The following LARGE1 variants were observed in gnomAD, a reference collection of about 807,000 sequenced individuals.
The protein encoded by LARGE1 is xylosyl- and glucuronyltransferase LARGE1.
LARGE1 carries 43 observed loss-of-function variants against 87.6 expected under a neutral mutation model. The ratio of observed to expected loss-of-function variants is 0.49; its 90% CI spans 0.38 to 0.63. LARGE1 has a LOEUF of 0.63. LARGE1 is among the 30% of genes least tolerant of loss of function. LARGE1 has a pLI of 0.00. For synonymous variants in LARGE1, 434 were observed against 394.6 expected, an observed-to-expected ratio of 1.10 and a Z score of -1.18; for missense variants, 802 against 1,000.2, an observed-to-expected ratio of 0.80 and a Z score of 2.67.
chr22:33,575,893 G>A (rs931488865), intron 5 of LARGE1, among the ~76,000 whole-genome samples: 4 of 152,180 alleles, frequency 2.6e-5, no homozygotes, highest in African/African-American at 7.2e-5. Context: ...GCTTTGCGAA[G>A]CTTGAGGGGA....
At chr22:33,119,900 G>A in the LARGE1 span, among the ~76,000 whole-genome samples, 1 of 152,066 alleles carries the variant, frequency 6.6e-6, no homozygotes, top group Non-Finnish European at 1.5e-5. Flanking sequence ...TGATAATCGA[G>A]GTGTCTCCTT....
chr22:33,824,701 A>T (rs2213314), intron 1 of LARGE1, among the ~76,000 whole-genome samples: 25,645 of 152,256 alleles, frequency 0.17, 2,446 homozygotes, highest in Middle Eastern at 0.29. Context: ...TCCAGAATTT[A>T]AAAATATGAC....
rs564738050 is a variant in LARGE1 at position 33,318,313 on chromosome 22, A to C, written c.1288-2065T>G. Reference sequence around the variant, plus strand: ...AAAAACAAACTTTTAAAAAATGATAATTTGTTCTCATTGTTCAATTCCCAC... The same window carrying C: ...AAAAACAAACTTTTAAAAAATGATACTTTGTTCTCATTGTTCAATTCCCAC... On this transcript the variant is annotated intron_variant, in intron 10 of 14. Transcript: ENST00000397394. Among the ~76,000 whole-genome samples the C allele has an allele frequency of 9.9e-5, 15 of 152,076 alleles. No individual in the cohort carries two copies. The South Asian group carries it at 3.1e-3, about 32-fold the overall frequency.
At chr22:33,151,081 C>G in the LARGE1 span, among the ~76,000 whole-genome samples, 1 of 152,136 alleles carries the variant, frequency 6.6e-6, no homozygotes, top group Non-Finnish European at 1.5e-5. Flanking sequence ...AAACATTAGG[C>G]ACAGTATGCT....
intron 11 of LARGE1, among the ~76,000 whole-genome samples, chr22:33,208,104 C>T (rs910387169): frequency 3.9e-5 from 6 of 152,180 alleles, no homozygotes; most frequent in Non-Finnish European, 7.3e-5. Context: ...GCTCAATGTT[C>T]TCCGTTTCAG....
chr22:33,538,891 A>G (rs1200590049), intron 6 of LARGE1, among the ~76,000 whole-genome samples: 2 of 152,218 alleles, frequency 1.3e-5, no homozygotes, highest in Non-Finnish European at 2.9e-5. Flanking sequence ...GCATTTTAGG[A>G]TATCTTCCAG....
chr22:33,742,133 C>T (rs539595558), intron 2 of LARGE1, among the ~76,000 whole-genome samples: 3 of 152,296 alleles, frequency 2.0e-5, no homozygotes, highest in Non-Finnish European at 2.9e-5. Context: ...GGAGACAAGA[C>T]GGTGAGCCCT....
chr22:33,407,638 G>A (rs1328139564), intron 7 of LARGE1, among the ~76,000 whole-genome samples: 1 of 151,956 alleles, frequency 6.6e-6, no homozygotes, highest in African/African-American at 2.4e-5. Flanking sequence ...TTAAGAACAT[G>A]TTATTATTCC....
In LARGE1 at chr22:33,609,497, A is replaced by G. The variant is rs1289965855; in HGVS notation, c.492-4939T>C. On this transcript the variant is annotated intron_variant, in intron 4 of 14. Transcript: ENST00000397394. ...GGGAGGTTTCCATGAACTATGTGGC[A>G]ATTAAATGGGAGCTCTAAATGGGCA... Among the ~76,000 whole-genome samples the G allele has an allele frequency of 3.3e-5, 5 of 152,344 alleles. No individual in the cohort carries two copies. In the East Asian group the frequency reaches 9.6e-4, roughly 29 times the overall value.
chr22:33,798,632 T>C (rs544403527), intron 1 of LARGE1, among the ~76,000 whole-genome samples: 3 of 152,208 alleles, frequency 2.0e-5, no homozygotes, highest in Admixed American at 1.3e-4. Context: ...ACCCCGGACA[T>C]AGGACCTTGA....
intron 13 of LARGE1, among the ~76,000 whole-genome samples, chr22:33,278,661 C>G (rs1029893741): frequency 4.6e-5 from 7 of 152,104 alleles, no homozygotes; most frequent in Non-Finnish European, 8.8e-5. Flanking sequence ...AGTTGTGATT[C>G]AAACCCGGGA....
chr22:33,767,194 T>C (rs2084934274), intron 1 of LARGE1, among the ~76,000 whole-genome samples: 1 of 150,890 alleles, frequency 6.6e-6, no homozygotes, highest in Admixed American at 6.6e-5. Flanking sequence ...TGGTGGTGCA[T>C]GCCTGTAATC....
chr22:33,240,559 C>T (rs9621667), intron 11 of LARGE1, among the ~76,000 whole-genome samples: 29,314 of 152,112 alleles, frequency 0.19, 3,215 homozygotes, highest in South Asian at 0.31. Context: ...GTCAATAACA[C>T]TCTGTCTTGA....
At chr22:33,883,234 A>G (rs1022031760) in intron 1 of LARGE1, among the ~76,000 whole-genome samples, 1 of 152,164 alleles carries the variant, frequency 6.6e-6, no homozygotes, top group African/African-American at 2.4e-5. Context: ...AAGCAGGGTG[A>G]TGCTTGGCTA....
intron 6 of LARGE1, among the ~76,000 whole-genome samples, chr22:33,489,718 A>G (rs1260863052): frequency 6.6e-6 from 1 of 151,900 alleles, no homozygotes; most frequent in African/African-American, 2.4e-5. Context: ...TTCTTTATAA[A>G]CTACCCAGTC....
chr22:33,524,435 C>G (rs11703178), intron 6 of LARGE1, among the ~76,000 whole-genome samples: 1 of 152,022 alleles, frequency 6.6e-6, no homozygotes, highest in African/African-American at 2.4e-5. Context: ...AAAATCTTCT[C>G]TAATAAGTTT....
chr22:33,748,663 T>A (rs116728459), intron 2 of LARGE1, among the ~76,000 whole-genome samples: 2,620 of 152,300 alleles, frequency 0.017, 74 homozygotes, highest in African/African-American at 0.06. Context: ...GACAGCCCCA[T>A]CCAACATATC....
At chr22:33,657,043 G>T (rs938741520) in intron 2 of LARGE1, 3 of 152,220 alleles carry the variant, frequency 2.0e-5, no homozygotes, top group African/African-American at 7.2e-5. Context: ...GCTGGCATCT[G>T]GTACTGCATG....
the LARGE1 span, among the ~76,000 whole-genome samples, chr22:33,093,672 G>C: frequency 6.6e-6 from 1 of 152,016 alleles, no homozygotes; most frequent in African/African-American, 2.4e-5. Flanking sequence ...GAGATGGAAG[G>C]GAATTGTGTT....
Sources: gnomAD v4.1 joint callset for allele counts (sites outside exome capture counted in the v4.1 genomes callset) on GRCh38, gnomAD v4.1.1 for gene constraint, MANE v1.5 for transcripts, NCBI Gene and HGNC (gene_info 2026-07-23, HGNC 2026-07-21) for gene names.